Variants in RMST observed in about 807,000 individuals in gnomAD.
RMST encodes long intergenic non-protein coding RNA 54.
chr12:97,553,723 T>A (rs1002283808), intron 11 of RMST, among the ~76,000 whole-genome samples: 1 of 152,028 alleles, frequency 6.6e-6, no homozygotes, highest in Non-Finnish European at 1.5e-5. Context: ...TAGACTCAAA[T>A]CAAATAAGCC....
At chr12:97,471,605 C>T (rs1168914082) in intron 5 of RMST, among the ~76,000 whole-genome samples, 1 of 152,104 alleles carries the variant, frequency 6.6e-6, no homozygotes, top group African/African-American at 2.4e-5. Context: ...AGCTGGGCTC[C>T]CCTTTAACCC....
At chr12:97,498,743 TG>T (rs1459476608) in intron 10 of RMST, among the ~76,000 whole-genome samples, 1 of 152,196 alleles carries the variant, frequency 6.6e-6, no homozygotes, top group Non-Finnish European at 1.5e-5. Flanking sequence ...GAAGTCCTTA[TG>T]GGCTCTGCCT....
chr12:97,517,937 A>G (rs1314040235), intron 10 of RMST, among the ~76,000 whole-genome samples: 1 of 152,136 alleles, frequency 6.6e-6, no homozygotes, highest in Non-Finnish European at 1.5e-5. Context: ...ATAAGTATCA[A>G]TTGTCCTCTT....
chr12:97,506,321 T>C (rs896822647), intron 10 of RMST, among the ~76,000 whole-genome samples: 2 of 152,056 alleles, frequency 1.3e-5, no homozygotes, highest in Admixed American at 6.6e-5. Flanking sequence ...ATGAGAGACA[T>C]ATTGAAATCA....
intron 5 of RMST, among the ~76,000 whole-genome samples, chr12:97,484,927 T>G (rs1875900360): frequency 6.6e-6 from 1 of 152,186 alleles, no homozygotes; most frequent in African/African-American, 2.4e-5. Context: ...TGCTGCTCTT[T>G]CCACACCTGG....
In RMST at chr12:97,490,323, G is replaced by A. The variant is rs572741003; in HGVS notation, n.645-2138G>A. Among the ~76,000 whole-genome samples, 5 of 152,216 alleles carry A rather than the reference G, an allele frequency of 3.3e-5. No individual in the cohort carries two copies. In the South Asian group the frequency reaches 1.0e-3, roughly 32 times the overall value. ...TCAACACTGTGGCTAGGCCAAGCAC[G>A]GCACCATCTAAGAGAAAACAGACAC... On this transcript the variant is annotated intron_variant and non_coding_transcript_variant, in intron 5 of 13. Transcript: ENST00000640149.
chr12:97,524,287 C>T (rs930421997), intron 10 of RMST, among the ~76,000 whole-genome samples: 1 of 151,852 alleles, frequency 6.6e-6, no homozygotes, highest in African/African-American at 2.4e-5. Context: ...TCAAAATCTG[C>T]ATTTTAGCAA....
intron 5 of RMST, among the ~76,000 whole-genome samples, chr12:97,471,536 G>T (rs1029482185): frequency 2.6e-5 from 4 of 152,126 alleles, no homozygotes; most frequent in Non-Finnish European, 5.9e-5. Flanking sequence ...TTCCAGAAAT[G>T]AACTGTGCTC....
intron 10 of RMST, chr12:97,530,386 G>A (rs1377004802): frequency 1.3e-5 from 2 of 151,788 alleles, no homozygotes; most frequent in African/African-American, 4.8e-5. Context: ...GTCACTCCTC[G>A]GAAAGCAATG....
At chr12:97,477,323 G>T (rs1050831420) in intron 5 of RMST, among the ~76,000 whole-genome samples, 1 of 152,120 alleles carries the variant, frequency 6.6e-6, no homozygotes, top group African/African-American at 2.4e-5. Flanking sequence ...ATTGATAATA[G>T]GCTTTTTCAT....
intron 5 of RMST, chr12:97,491,700 T>C (rs531287933): frequency 3.8e-6 from 1 of 266,398 alleles, no homozygotes; most frequent in East Asian, 7.7e-5. Context: ...GATACCCATA[T>C]GCATCATCTG....
intron 5 of RMST, among the ~76,000 whole-genome samples, chr12:97,471,261 T>C (rs934755769): frequency 2.0e-5 from 3 of 152,084 alleles, no homozygotes; most frequent in African/African-American, 7.2e-5. Context: ...ATAATATATG[T>C]GTAGCGTGTG....
At chr12:97,502,399 G>C (rs188491586) in intron 10 of RMST, among the ~76,000 whole-genome samples, 29 of 152,278 alleles carry the variant, frequency 1.9e-4, no homozygotes, top group Admixed American at 3.9e-4. Context: ...TTTCCCTCAA[G>C]AAGTTTCCAC....
At chr12:97,546,568 C>A (rs995850572) in intron 11 of RMST, among the ~76,000 whole-genome samples, 1 of 151,852 alleles carries the variant, frequency 6.6e-6, no homozygotes, top group African/African-American at 2.4e-5. Context: ...GGTGACAGAA[C>A]AAGACTCCAT....
At chr12:97,485,393 C>T (rs147887864) in intron 5 of RMST, among the ~76,000 whole-genome samples, 1,656 of 152,206 alleles carry the variant, frequency 0.011, 78 homozygotes, top group Admixed American at 0.091. Context: ...GTTACCTGTA[C>T]ATATGATAGA....
chr12:97,523,874 C>T (rs781590323), intron 10 of RMST, among the ~76,000 whole-genome samples: 6 of 151,590 alleles, frequency 4.0e-5, no homozygotes, highest in Admixed American at 3.9e-4. Flanking sequence ...TCAGGAGATC[C>T]AGACCATCCT....
intron 10 of RMST, among the ~76,000 whole-genome samples, chr12:97,503,666 A>G (rs1878340897): frequency 6.6e-6 from 1 of 152,210 alleles, no homozygotes; most frequent in African/African-American, 2.4e-5. Context: ...ATCCACCCAA[A>G]CTTGGAGTCA....
At chr12:97,480,968 TC>T (rs1370415480) in intron 5 of RMST, among the ~76,000 whole-genome samples, 2 of 152,110 alleles carry the variant, frequency 1.3e-5, no homozygotes, top group African/African-American at 4.8e-5. Context: ...TATATCAGTA[TC>T]CAATTTATGT....
At chr12:97,497,475 G>A (rs1288196688) in intron 10 of RMST, among the ~76,000 whole-genome samples, 1 of 152,182 alleles carries the variant, frequency 6.6e-6, no homozygotes, top group African/African-American at 2.4e-5. Context: ...CTCTGTTTAA[G>A]TATAGCAGCA....
Sources: allele counts gnomAD v4.1 joint callset (sites outside exome capture counted in the v4.1 genomes callset), GRCh38; gene constraint gnomAD v4.1.1; transcripts MANE v1.5; gene names NCBI Gene and HGNC (gene_info 2026-07-23, HGNC 2026-07-21).